MTA3: variants seen among roughly 807,000 people sequenced by gnomAD.
MTA3 encodes metastasis-associated protein MTA3.
In MTA3, 34 loss-of-function variants were observed where a neutral mutation model predicts 83.5. The observed-to-expected ratio is 0.41, with a 90% CI of 0.31 to 0.54. The LOEUF is 0.54. MTA3 is among the 20% of genes least tolerant of loss of function. MTA3 has a pLI of 0.33. For missense variants in MTA3, 761 were observed against 726.4 expected (o/e 1.05, Z -0.55); for synonymous variants, 303 against 252.7 (o/e 1.20, Z -1.89).
intron 3 of MTA3, among the ~76,000 whole-genome samples, chr2:42,602,422 T>C (rs1682693177): frequency 6.6e-6 from 1 of 152,210 alleles, no homozygotes; most frequent in Admixed American, 6.5e-5. Context: ...GGAGAAACAT[T>C]GTTGGTTCAT....
intron 8 of MTA3, among the ~76,000 whole-genome samples, chr2:42,667,796 A>T (rs1225080198): frequency 6.6e-6 from 1 of 151,722 alleles, no homozygotes; most frequent in East Asian, 1.9e-4. Context: ...ATGTGCTACC[A>T]CTCCCAGCTA....
intron 2 of MTA3, among the ~76,000 whole-genome samples, chr2:42,517,770 C>G (rs1428916775): frequency 4.2e-5 from 6 of 142,852 alleles, no homozygotes; most frequent in African/African-American, 1.3e-4. Flanking sequence ...CCCAGCTACT[C>G]CGGGAGACTG....
At chr2:42,579,018 C>G in intron 2 of MTA3, 89 bp from the exon 3 acceptor site, 10 of 816,248 alleles carry the variant, frequency 1.2e-5, no homozygotes, top group Non-Finnish European at 1.7e-5. Flanking sequence ...TGAGCATGAT[C>G]ATATAATTGT....
chr2:42,633,987 C>T (rs907363817), intron 4 of MTA3, among the ~76,000 whole-genome samples: 3 of 152,000 alleles, frequency 2.0e-5, no homozygotes, highest in African/African-American at 7.3e-5. Context: ...TAATGTAGAA[C>T]AGTGATTCTC....
At chr2:42,673,814 C>G (rs1691070145) in intron 8 of MTA3, among the ~76,000 whole-genome samples, 1 of 152,194 alleles carries the variant, frequency 6.6e-6, no homozygotes, top group Non-Finnish European at 1.5e-5. Context: ...AGTGTGTGGA[C>G]TTTCACGATG....
chr2:42,659,722 A>G, intron 7 of MTA3, 41 bp from the exon 8 acceptor site: 8 of 1,408,704 alleles, frequency 5.7e-6, no homozygotes, highest in Non-Finnish European at 7.5e-6. Context: ...AAACCAAAAC[A>G]GATACTTAAT....
intron 12 of MTA3, 22 bp downstream of exon 12, chr2:42,704,340 A>G: frequency 3.1e-6 from 5 of 1,612,986 alleles, no homozygotes; most frequent in South Asian, 1.1e-5. Context: ...CTAGCAGGTC[A>G]GTTAAGCATC....
intron 2 of MTA3, among the ~76,000 whole-genome samples, chr2:42,517,596 G>C (rs1675206364): frequency 1.3e-5 from 2 of 148,348 alleles, no homozygotes; most frequent in Non-Finnish European, 3.0e-5. Flanking sequence ...AAAAAATTAG[G>C]CCAGGCATGG....
At chr2:42,601,844 TG>T (rs1317118650) in intron 3 of MTA3, among the ~76,000 whole-genome samples, 1 of 152,156 alleles carries the variant, frequency 6.6e-6, no homozygotes, top group African/African-American at 2.4e-5. Context: ...CACTGCCAGC[TG>T]TTTTTGTCTG....
At chr2:42,556,103 A>C (rs1378222696) in intron 2 of MTA3, among the ~76,000 whole-genome samples, 1 of 151,644 alleles carries the variant, frequency 6.6e-6, no homozygotes, top group African/African-American at 2.4e-5. Flanking sequence ...AAAAAAAAAA[A>C]CAAACAAAAA....
Position 42,729,086 on chromosome 2 carries a change from G to GTTTTTTTTTTTTT in MTA3, c.1759+6066_1759+6078dup, listed in dbSNP as rs1216600680. Reference sequence around the variant, plus strand: ...TTCTTTTATTAGTTTCACAGTTTGAGTTTTTTTTTTTTTTTTTTTTTTTTT... The same window carrying GTTTTTTTTTTTTT: ...TTCTTTTATTAGTTTCACAGTTTGAGTTTTTTTTTTTTTTTTTTTTTTTTTTTTTTTTTTTTTT... On this transcript the variant is annotated intron_variant, in intron 16 of 16. Coordinates refer to ENST00000405094, the MANE Select transcript of MTA3 (RefSeq NM_001330442.2). Among the ~76,000 whole-genome samples, 13 of 60,142 alleles carry GTTTTTTTTTTTTT rather than the reference G, an allele frequency of 2.2e-4. 4 individuals carry two copies. The highest frequency in any genetic ancestry group is 1.5e-3 in the South Asian group (2 of 1,308). The allele number at this position is 60,142 out of a possible 152,430, so 39.5% of individuals were successfully genotyped here.
chr2:42,754,642 C>G lies in MTA3; in HGVS notation c.*1243C>G. On this transcript the variant is annotated 3_prime_UTR_variant, in exon 17 of 17. Transcript: ENST00000405094. ...TGCCCTCTGTTTGCAGGCACAGGGT[C>G]ACAGTCCCAAGAAAGACAACTGGAG... 1 of 985,508 alleles carries G rather than the reference C, an allele frequency of 1.0e-6. No individual in the cohort carries two copies. Among genetic ancestry groups the G allele is most frequent in the African/African-American group, 1.7e-5 (1 of 57,350 alleles). 61.0% of individuals were successfully genotyped at this position (985,508 alleles called of 1,614,324 possible). A position where few individuals can be genotyped will look rare whatever the true frequency, so the allele number is the denominator to read the frequency against.
At chr2:42,594,720 A>AT (rs1382175437) in intron 3 of MTA3, among the ~76,000 whole-genome samples, 4 of 37,380 alleles carry the variant, frequency 1.1e-4, no homozygotes, top group East Asian at 5.5e-4. Flanking sequence ...ATATATATAT[A>AT]TATATATATT....
In MTA3 at chr2:42,743,841, CA is replaced by C. The variant is rs201499383; in HGVS notation, c.1760-9525del. Among the ~76,000 whole-genome samples the C allele has an allele frequency of 2.9e-3, 447 of 151,726 alleles. 2 individuals carry two copies. The highest frequency in any genetic ancestry group is 0.01 in the African/African-American group (422 of 41,388). ...ATGCATCTGCTCTCTTCACGAATTC[CA>C]AAAAAAATAGACTGCCAGGGACAGC... On this transcript the variant is annotated intron_variant, in intron 16 of 16. Transcript: ENST00000405094.
At chr2:42,652,719 A>G (rs1010306340) in intron 6 of MTA3, among the ~76,000 whole-genome samples, 5 of 152,044 alleles carry the variant, frequency 3.3e-5, no homozygotes, top group Non-Finnish European at 7.4e-5. Context: ...AAAATCTCCA[A>G]TTTTATTTCC....
chr2:42,647,582 A>G (rs1196679323), intron 6 of MTA3, among the ~76,000 whole-genome samples: 1 of 151,632 alleles, frequency 6.6e-6, no homozygotes, highest in Non-Finnish European at 1.5e-5. Context: ...TTTAACCAGA[A>G]ACAAGGAATG....
At chr2:42,634,943 T>C (rs1203075402) in intron 4 of MTA3, among the ~76,000 whole-genome samples, 1 of 152,244 alleles carries the variant, frequency 6.6e-6, no homozygotes. Context: ...GTCAGTATTA[T>C]GTATTCTTTC....
At chr2:42,715,054 C>T (rs1029605868) in intron 14 of MTA3, among the ~76,000 whole-genome samples, 1 of 152,202 alleles carries the variant, frequency 6.6e-6, no homozygotes, top group Non-Finnish European at 1.5e-5. Context: ...TCTCTCTGGA[C>T]AGGTTTTGAT....
intron 2 of MTA3, among the ~76,000 whole-genome samples, chr2:42,541,192 C>G (rs1461497310): frequency 6.6e-6 from 1 of 152,004 alleles, no homozygotes; most frequent in Non-Finnish European, 1.5e-5. Context: ...CCACCATGCC[C>G]GGCTAATTTT....
Sources: gnomAD v4.1 joint callset for allele counts (sites outside exome capture counted in the v4.1 genomes callset) on GRCh38, gnomAD v4.1.1 for gene constraint, MANE v1.5 for transcripts, NCBI Gene and HGNC (gene_info 2026-07-23, HGNC 2026-07-21) for gene names.